TBX18: variants seen among roughly 807,000 people sequenced by gnomAD.
The protein encoded by TBX18 is T-box transcription factor 18.
A neutral mutation model predicts 55.0 loss-of-function variants in TBX18; 21 were observed. The observed-to-expected ratio is 0.38, with a 90% CI of 0.27 to 0.55. The LOEUF (loss-of-function observed/expected upper bound fraction) is 0.55. Among genes scored for constraint, TBX18 ranks in the 20% least tolerant of loss-of-function variants. The probability of loss-of-function intolerance (pLI) is 0.73; values close to 1 mark genes in which losing one functional copy is unlikely to be tolerated. For missense variants in TBX18, 840 were observed against 799.6 expected, an observed-to-expected ratio of 1.05 and a Z score of -0.61; for synonymous variants, 342 against 326.1, an observed-to-expected ratio of 1.05 and a Z score of -0.53.
At chr6:84,737,492 T>C in intron 7 of TBX18, 83 bp from the exon 8 acceptor site, 1 of 1,420,378 alleles carries the variant, frequency 7.0e-7, no homozygotes, top group South Asian at 1.6e-5. Flanking sequence ...AGACACAGCT[T>C]GTTACAAGGC....
At chr6:84,750,283 CAA>C (rs546686776) in intron 4 of TBX18, among the ~76,000 whole-genome samples, 25 of 94,624 alleles carry the variant, frequency 2.6e-4, no homozygotes, top group Admixed American at 3.2e-4. Flanking sequence ...GATTCTATCT[CAA>C]AAAAAAAAAA....
intron 2 of TBX18, among the ~76,000 whole-genome samples, chr6:84,762,228 G>C (rs758334263): frequency 2.6e-5 from 4 of 152,118 alleles, no homozygotes; most frequent in Non-Finnish European, 5.9e-5. Flanking sequence ...ACCTGGACAA[G>C]GGTAAATATG....
chr6:84,763,806 C>G (rs1278681059), intron 1 of TBX18, 84 bp downstream of exon 1: 2 of 1,425,846 alleles, frequency 1.4e-6, no homozygotes, highest in Non-Finnish European at 1.8e-6. Flanking sequence ...CATGTAGGGA[C>G]GCGGCGCGCA....
intron 6 of TBX18, 70 bp downstream of exon 6, chr6:84,744,191 G>A: frequency 7.5e-7 from 1 of 1,338,370 alleles, no homozygotes; most frequent in Non-Finnish European, 1.0e-6. Flanking sequence ...CATTTACTTT[G>A]TAATAGAAAA....
chr6:84,738,422 C>T, intron 7 of TBX18, 75 bp downstream of exon 7: 1 of 1,097,808 alleles, frequency 9.1e-7, no homozygotes, highest in Non-Finnish European at 1.4e-6. Flanking sequence ...TAAATAATGA[C>T]TTGTACACTT....
In TBX18 at chr6:84,732,701, T is replaced by C. The variant is rs1021120506; in HGVS notation, c.*3984A>G. Reference sequence around the variant, plus strand: ...GTATAGCTTCCTTCTGATATTAAAATACTAAAATTTATCCTGTAAAACTAA... The same window carrying C: ...GTATAGCTTCCTTCTGATATTAAAACACTAAAATTTATCCTGTAAAACTAA... On this transcript the variant is annotated 3_prime_UTR_variant, in exon 8 of 8. Coordinates refer to ENST00000369663, the MANE Select transcript of TBX18 (RefSeq NM_001080508.3). 1 of 152,058 alleles carries C rather than the reference T, an allele frequency of 6.6e-6. No individual in the cohort carries two copies. The highest frequency in any genetic ancestry group is 1.5e-5 in the Non-Finnish European group (1 of 67,960). 9.4% of individuals were successfully genotyped at this position (152,058 alleles called of 1,614,324 possible).
chr6:84,744,912 G>A (rs1767143186), intron 5 of TBX18, among the ~76,000 whole-genome samples: 1 of 151,716 alleles, frequency 6.6e-6, no homozygotes, highest in African/African-American at 2.4e-5. Context: ...TTTTATCTGT[G>A]GAGTCCTAAC....
chr6:84,753,592 G>A (rs1465461924), intron 4 of TBX18, among the ~76,000 whole-genome samples: 1 of 152,230 alleles, frequency 6.6e-6, no homozygotes, highest in Non-Finnish European at 1.5e-5. Context: ...TGTAAGGGTA[G>A]AGGGGTAAGT....
intron 4 of TBX18, among the ~76,000 whole-genome samples, chr6:84,753,404 C>A (rs1371316124): frequency 6.7e-6 from 1 of 149,008 alleles, no homozygotes; most frequent in Non-Finnish European, 1.5e-5. Flanking sequence ...CACACTTGCA[C>A]AGACTTGGCA....
At chr6:84,751,979 A>G (rs1767361095) in intron 4 of TBX18, among the ~76,000 whole-genome samples, 1 of 152,214 alleles carries the variant, frequency 6.6e-6, no homozygotes, top group African/African-American at 2.4e-5. Flanking sequence ...AGAAGACCAC[A>G]ATGATATGAT....
chr6:84,764,212 C>G lies in TBX18; in HGVS notation c.-31G>C, dbSNP rs1767754523. On this transcript the variant is annotated 5_prime_UTR_variant, in exon 1 of 8. Coordinates refer to ENST00000369663, the MANE Select transcript of TBX18 (RefSeq NM_001080508.3). ...CCGCCCCGCGCCCGCCCGCCCCTCTCTCATATACACTCACGCGGGCACACG... is the reference window on the plus strand; with the variant it reads ...CCGCCCCGCGCCCGCCCGCCCCTCTGTCATATACACTCACGCGGGCACACG... 1 of 1,399,688 alleles carries G rather than the reference C, an allele frequency of 7.1e-7. No individual in the cohort carries two copies. The highest frequency in any genetic ancestry group is 9.2e-7 in the Non-Finnish European group (1 of 1,083,782). The allele number at this position is 1,399,688 out of a possible 1,614,324, so 86.7% of individuals were successfully genotyped here.
At chr6:84,742,719 C>T (rs934035889) in intron 6 of TBX18, among the ~76,000 whole-genome samples, 1 of 151,974 alleles carries the variant, frequency 6.6e-6, no homozygotes, top group Non-Finnish European at 1.5e-5. Context: ...TATTTCTCTC[C>T]CGGAATTTCA....
intron 1 of TBX18, chr6:84,763,355 C>G: frequency 4.4e-6 from 2 of 457,108 alleles, no homozygotes; most frequent in South Asian, 1.5e-5. Context: ...GTGTGAAAAG[C>G]AAGCCCGCGG....
chr6:84,749,575 G>C (rs1767286956), intron 4 of TBX18, among the ~76,000 whole-genome samples: 1 of 151,698 alleles, frequency 6.6e-6, no homozygotes. Context: ...GACACTCTAG[G>C]AGAGGAAGCA....
chr6:84,738,652 C>T, intron 6 of TBX18, 61 bp from the exon 7 acceptor site: 1 of 1,247,726 alleles, frequency 8.0e-7, no homozygotes, highest in Non-Finnish European at 1.2e-6. Context: ...GCATTTGGAT[C>T]TTTCACCAGC....
At position 84,764,506 on chromosome 6, in the gene TBX18, A is replaced by T; in HGVS notation, c.-325T>A. Reference sequence around the variant, plus strand: ...TCAACTGATGCGCCAGAGAGGACTAACATGGGTAAAAAACACTCTGTGGAC... The same window carrying T: ...TCAACTGATGCGCCAGAGAGGACTATCATGGGTAAAAAACACTCTGTGGAC... On this transcript the variant is annotated 5_prime_UTR_variant, in exon 1 of 8. Transcript: ENST00000369663. 1 of 318,774 alleles carries T rather than the reference A, an allele frequency of 3.1e-6. No individual in the cohort carries two copies. Among genetic ancestry groups the T allele is most frequent in the Non-Finnish European group, 5.7e-6 (1 of 175,852 alleles). 19.7% of individuals were successfully genotyped at this position (318,774 alleles called of 1,614,324 possible).
At chr6:84,761,103 C>A (rs1767635265) in intron 2 of TBX18, among the ~76,000 whole-genome samples, 1 of 152,192 alleles carries the variant, frequency 6.6e-6, no homozygotes, top group African/African-American at 2.4e-5. Context: ...AGAGTAAATG[C>A]ACCCATCCTT....
intron 1 of TBX18, chr6:84,763,206 C>T: frequency 2.8e-6 from 1 of 358,774 alleles, no homozygotes; most frequent in South Asian, 2.2e-5. Flanking sequence ...GAGCCTGGGC[C>T]TCCTTAAGCC....
Position 84,737,409 on chromosome 6 carries a change from C to T in TBX18, c.1100G>A (p.Gly367Asp). 1 of 1,507,308 alleles carries T rather than the reference C, an allele frequency of 6.6e-7. No homozygotes were observed. The highest frequency in any genetic ancestry group is 1.4e-5 in the South Asian group (1 of 73,922). 93.4% of individuals were successfully genotyped at this position (1,507,308 alleles called of 1,614,324 possible). Residue 367 changes from glycine (G) to aspartate (D), a missense_variant and splice_region_variant, in exon 8 of 8, where the codon GGC becomes GAC. Transcript: ENST00000369663. ...GAGCAAGGTGGAGGAACTTGCATTG[C>T]CTACAAAAGAAGTTGAAATGTAAAG... ...FEDIPGIPKQ[G>D]NASSSTLLQG...
Sources: allele counts gnomAD v4.1 joint callset (sites outside exome capture counted in the v4.1 genomes callset), GRCh38; gene constraint gnomAD v4.1.1; transcripts MANE v1.5; gene names NCBI Gene and HGNC (gene_info 2026-07-23, HGNC 2026-07-21).